Variants in LMNB1 observed in about 807,000 individuals in gnomAD.
The protein encoded by LMNB1 is lamin B1.
A neutral mutation model predicts 67.1 loss-of-function variants in LMNB1; 23 were observed. The ratio of observed to expected loss-of-function variants is 0.34; its 90% CI spans 0.25 to 0.49. LMNB1 has a LOEUF of 0.49. LMNB1 is among the 20% of genes least tolerant of loss of function. LMNB1 has a pLI of 0.99. For missense variants in LMNB1, 634 were observed against 746.5 expected (o/e 0.85, Z 1.76); for synonymous variants, 281 against 282.9 (o/e 0.99, Z 0.07).
At chr5:126,778,658 A>T (rs1042427404) in intron 1 of LMNB1, among the ~76,000 whole-genome samples, 1 of 152,112 alleles carries the variant, frequency 6.6e-6, no homozygotes, top group Non-Finnish European at 1.5e-5. Flanking sequence ...TGTGCATGTC[A>T]CGGCTACCGT....
intron 9 of LMNB1, among the ~76,000 whole-genome samples, chr5:126,826,395 T>C (rs770482095): frequency 2.6e-5 from 4 of 152,240 alleles, no homozygotes. Flanking sequence ...TCTCTTAGAT[T>C]TGTCATTTAA....
intron 1 of LMNB1, among the ~76,000 whole-genome samples, chr5:126,798,980 C>A (rs1353636346): frequency 1.3e-5 from 2 of 150,940 alleles, no homozygotes; most frequent in East Asian, 3.9e-4. Flanking sequence ...AGATAGTAGT[C>A]AGTTCTTCTC....
intron 1 of LMNB1, among the ~76,000 whole-genome samples, chr5:126,797,740 A>G (rs535705525): frequency 4.6e-5 from 7 of 152,188 alleles, no homozygotes; most frequent in South Asian, 4.1e-4. Context: ...AACTCACTGC[A>G]TGGCTCCCCA....
intron 10 of LMNB1, among the ~76,000 whole-genome samples, chr5:126,834,658 C>T (rs921392281): frequency 1.3e-5 from 2 of 152,180 alleles, no homozygotes; most frequent in African/African-American, 4.8e-5. Context: ...AGGCAGATCA[C>T]AAGGTCAGGA....
chr5:126,789,702 C>T (rs763636072), intron 1 of LMNB1, among the ~76,000 whole-genome samples: 1 of 152,000 alleles, frequency 6.6e-6, no homozygotes, highest in Non-Finnish European at 1.5e-5. Context: ...GAGGACGAGA[C>T]TTGCTGTGTC....
At chr5:126,823,178 G>T (rs1478435234) in intron 8 of LMNB1, among the ~76,000 whole-genome samples, 1 of 152,192 alleles carries the variant, frequency 6.6e-6, no homozygotes, top group African/African-American at 2.4e-5. Context: ...TTGGCATAAA[G>T]AACTGTTAAG....
chr5:126,788,647 C>A (rs752136689), intron 1 of LMNB1, among the ~76,000 whole-genome samples: 1 of 151,892 alleles, frequency 6.6e-6, no homozygotes, highest in East Asian at 1.9e-4. Flanking sequence ...AGGGACACTT[C>A]GTCCTAAAAG....
intron 6 of LMNB1, among the ~76,000 whole-genome samples, chr5:126,819,723 A>G (rs1043438187): frequency 1.6e-4 from 24 of 152,060 alleles, no homozygotes; most frequent in African/African-American, 5.8e-4. Flanking sequence ...CCTGACTGCA[A>G]GTGACCCACC....
intron 1 of LMNB1, among the ~76,000 whole-genome samples, chr5:126,792,495 T>G: frequency 6.6e-6 from 1 of 152,202 alleles, no homozygotes; most frequent in East Asian, 1.9e-4. Flanking sequence ...AGTCCCTCTT[T>G]GCTAAGTTAA....
At chr5:126,778,393 C>T (rs4075655) in intron 1 of LMNB1, among the ~76,000 whole-genome samples, 42,506 of 152,102 alleles carry the variant, frequency 0.28, 6,355 homozygotes, top group South Asian at 0.39. Flanking sequence ...GGGGAGGGAC[C>T]TTCCCGCAGC....
chr5:126,785,734 TTGGGACCAGC>T (rs1238287120), intron 1 of LMNB1, among the ~76,000 whole-genome samples: 263 of 96,686 alleles, frequency 2.7e-3, no homozygotes, highest in African/African-American at 8.9e-3. Context: ...AACCCTTAGG[TTGGGACCAGC>T]GGCTCATGCC....
chr5:126,806,249 G>A (rs1055418527), intron 3 of LMNB1, among the ~76,000 whole-genome samples: 33 of 152,144 alleles, frequency 2.2e-4, no homozygotes, highest in Non-Finnish European at 1.0e-4. Flanking sequence ...CACCACATCC[G>A]GCCTCACTTC....
At chr5:126,815,584 G>A (rs1366480574) in intron 5 of LMNB1, among the ~76,000 whole-genome samples, 1 of 152,112 alleles carries the variant, frequency 6.6e-6, no homozygotes, top group Non-Finnish European at 1.5e-5. Flanking sequence ...AAAACCCCAA[G>A]ATCATCAGAA....
chr5:126,782,698 C>T (rs1043285087), intron 1 of LMNB1, among the ~76,000 whole-genome samples: 2 of 151,768 alleles, frequency 1.3e-5, no homozygotes, highest in Non-Finnish European at 2.9e-5. Context: ...TACAGGCACC[C>T]GCCACCACGC....
At chr5:126,828,901 C>G (rs1031480990) in intron 9 of LMNB1, among the ~76,000 whole-genome samples, 5 of 152,108 alleles carry the variant, frequency 3.3e-5, no homozygotes, top group Admixed American at 2.0e-4. Context: ...ATACCTTCAG[C>G]TTGCGAGGCT....
chr5:126,808,880 A>ATT (rs111276109), intron 3 of LMNB1, among the ~76,000 whole-genome samples: 18 of 145,926 alleles, frequency 1.2e-4, no homozygotes, highest in East Asian at 8.0e-4. Context: ...TCTAATTATT[A>ATT]TTTTTTTTTT....
intron 9 of LMNB1, among the ~76,000 whole-genome samples, chr5:126,832,001 C>T (rs1227609836): frequency 2.6e-5 from 4 of 152,304 alleles, no homozygotes; most frequent in East Asian, 3.9e-4. Flanking sequence ...TGTGGAGGCT[C>T]ATGCCTGTAA....
In LMNB1 at chr5:126,798,780, T is replaced by TGTGTGTGTGTGTGTGTGTGC. The variant is rs1314378520; in HGVS notation, c.360-5991_360-5990insTGTGTGTGTGTGTGCGTGTG. 1.9e-3 allele frequency among the ~76,000 whole-genome samples: 294 copies of TGTGTGTGTGTGTGTGTGTGC among 151,888 alleles called. 1 individual carries two copies. The highest frequency in any genetic ancestry group is 5.6e-3 in the South Asian group (27 of 4,816). On this transcript the variant is annotated intron_variant, in intron 1 of 10. Coordinates refer to ENST00000261366, the MANE Select transcript of LMNB1 (RefSeq NM_005573.4). ...AAAGAGAAGTGTGTGTGTGTGTGTG[T>TGTGTGTGTGTGTGTGTGTGC]GTGTGCGTGTGCTTGTAACATTTAG...
chr5:126,798,440 ACT>A lies in LMNB1; in HGVS notation c.360-6333_360-6332del, dbSNP rs367752933. 4.8e-3 allele frequency among the ~76,000 whole-genome samples: 730 copies of A among 152,198 alleles called. 11 individuals are homozygous for A. The highest frequency in any genetic ancestry group is 0.016 in the African/African-American group (662 of 41,496). On this transcript the variant is annotated intron_variant, in intron 1 of 10. Transcript: ENST00000261366. ...ACTCCAGCCTGGGCCACAGAGCGAG[ACT>A]CTGTCTCAAAACAAACAAACAAACA...
Sources: gnomAD v4.1 joint callset for allele counts (sites outside exome capture counted in the v4.1 genomes callset) on GRCh38, gnomAD v4.1.1 for gene constraint, MANE v1.5 for transcripts, NCBI Gene and HGNC (gene_info 2026-07-23, HGNC 2026-07-21) for gene names.